Variants in DRC7 observed in about 807,000 individuals in gnomAD.
DRC7 encodes coiled-coil domain containing 135.
DRC7 carries 80 observed loss-of-function variants against 104.4 expected under a neutral mutation model. That is an observed-to-expected ratio of 0.77 (90% CI 0.64 to 0.92). The LOEUF is 0.92. Among genes scored for constraint, DRC7 ranks in the 40% least tolerant of loss-of-function variants. DRC7 has a pLI of 0.00. For missense variants in DRC7, 1,034 were observed against 1,141.1 expected (o/e 0.91, Z 1.35); for synonymous variants, 405 against 447.3 (o/e 0.91, Z 1.19).
At chr16:57,716,069 A>T (rs1280450551) in intron 8 of DRC7, among the ~76,000 whole-genome samples, 9 of 152,228 alleles carry the variant, frequency 5.9e-5, no homozygotes, top group African/African-American at 2.2e-4. Flanking sequence ...GCGCAAACGT[A>T]CCCTGGGCAC....
rs553999353 is a variant in DRC7, at chr16:57,715,100, T to G, written c.1078-3247T>G. 301 of 172,340 alleles carry G rather than the reference T, an allele frequency of 1.7e-3. 1 individual carries two copies. The highest frequency in any genetic ancestry group is 2.5e-3 in the Non-Finnish European group (207 of 81,782). The allele number at this position is 172,340 out of a possible 1,614,324, so 10.7% of individuals were successfully genotyped here. Reference sequence around the variant, plus strand: ...TCTTGCTCTGTCACCCAGGCTGGAGTGCAGTGGCGCGATCTTGGCACACTG... The same window carrying G: ...TCTTGCTCTGTCACCCAGGCTGGAGGGCAGTGGCGCGATCTTGGCACACTG... On this transcript the variant is annotated intron_variant, in intron 8 of 18. Coordinates refer to ENST00000360716, the MANE Select transcript of DRC7 (RefSeq NM_001289162.2).
At chr16:57,717,372 C>G (rs1292059803) in intron 8 of DRC7, among the ~76,000 whole-genome samples, 1 of 143,530 alleles carries the variant, frequency 7.0e-6, no homozygotes, top group Non-Finnish European at 1.5e-5. Context: ...GTAGTCAGAA[C>G]TACAGGTGCA....
rs546324626 is a variant in DRC7 at position 57,698,234 on chromosome 16, G to A, written c.203+82G>A. 70 of 1,588,724 alleles carry A rather than the reference G, an allele frequency of 4.4e-5. No individual in the cohort carries two copies. The South Asian group carries it at 7.2e-4, about 16-fold the overall frequency. On this transcript the variant is annotated intron_variant, in intron 3 of 18. Transcript: ENST00000360716. ...GACCCAGGCAGAGTGCTGGTGCCTGGTCTGGTAGGGTGACCAGGAGATAGA... is the reference window on the plus strand; with the variant it reads ...GACCCAGGCAGAGTGCTGGTGCCTGATCTGGTAGGGTGACCAGGAGATAGA...
At position 57,726,132 on chromosome 16, in the gene DRC7, T is replaced by C. The variant is rs1441497886; in HGVS notation, c.1823T>C (p.Val608Ala). 4 of 1,613,116 alleles carry C rather than the reference T, an allele frequency of 2.5e-6. No individual in the cohort carries two copies. Among genetic ancestry groups the C allele is most frequent in the East Asian group, 2.2e-5 (1 of 44,884 alleles). ...GCGGAGGAGGACGTGGCAGAGCGCG[T>C]GTTTCTGGTCGCGGAGGAGCGCATC... ...KPAEEDVAER[V>A]FLVAEERIQL... Residue 608 changes from valine (V) to alanine (A), a missense_variant, in exon 14 of 19, where the codon GTG becomes GCG. Val to Ala is a moderately conservative substitution (Grantham distance 64). Transcript: ENST00000360716.
intron 9 of DRC7, among the ~76,000 whole-genome samples, chr16:57,720,919 C>T (rs1219783811): frequency 6.6e-6 from 1 of 152,020 alleles, no homozygotes; most frequent in Non-Finnish European, 1.5e-5. Flanking sequence ...AATAATAGGC[C>T]GGGCATGGTG....
chr16:57,724,478 G>C, intron 12 of DRC7, 137 bp from the exon 13 acceptor site: 1 of 575,874 alleles, frequency 1.7e-6, no homozygotes, highest in Non-Finnish European at 3.1e-6. Context: ...CCAGCAATAG[G>C]GGACTGGTTC....
chr16:57,707,939 G>T, intron 8 of DRC7: 1 of 518,910 alleles, frequency 1.9e-6, no homozygotes, highest in Non-Finnish European at 3.5e-6. Context: ...CTATATTGAA[G>T]TGTAACCTAC....
In DRC7 at chr16:57,728,451, C is replaced by T. The variant is rs1218393423; in HGVS notation, c.2258C>T (p.Pro753Leu). 1.2e-6 allele frequency: 2 copies of T among 1,612,220 alleles called. No individual in the cohort carries two copies. Among genetic ancestry groups the T allele is most frequent in the South Asian group, 2.2e-5 (2 of 90,992 alleles). ...GAGACCCAGCTGGACTACCTGGCCC[C>T]ATTCCTGGCCCAGCTCCCGCCAGGA... ...QVETQLDYLAPFLAQLPPGEK... is the reference protein window; with the variant it reads ...QVETQLDYLALFLAQLPPGEK... Residue 753 changes from proline (P) to leucine (L), a missense_variant, in exon 17 of 19, where the codon CCA (proline) becomes CTA (leucine). Transcript: ENST00000360716.
intron 1 of DRC7, among the ~76,000 whole-genome samples, 177 bp downstream of exon 1, chr16:57,695,029 G>T (rs878902259): frequency 6.6e-6 from 1 of 151,994 alleles, no homozygotes; most frequent in Non-Finnish European, 1.5e-5. Context: ...GTGGAGAGGG[G>T]GTGCAGGGAA....
intron 2 of DRC7, among the ~76,000 whole-genome samples, chr16:57,697,562 C>T (rs1204085331): frequency 6.6e-6 from 1 of 151,864 alleles, no homozygotes; most frequent in Non-Finnish European, 1.5e-5. Flanking sequence ...GAGCAAGACC[C>T]TGTCTCAAAA....
In DRC7 at chr16:57,722,764, C is replaced by G; in HGVS notation, c.1331C>G (p.Ala444Gly). 1 of 1,613,894 alleles carries G rather than the reference C, an allele frequency of 6.2e-7. No individual in the cohort carries two copies. The highest frequency in any genetic ancestry group is 8.5e-7 in the Non-Finnish European group (1 of 1,179,998). The change falls in exon 11 of 19, where the codon GCA (alanine) becomes GGA (glycine). Residue 444 changes from alanine to glycine, a missense_variant. Transcript: ENST00000360716. ...NGKKVIQYKRAKLEKWAPYLN... is the reference protein window; with the variant it reads ...NGKKVIQYKRGKLEKWAPYLN... ...AAGAAGGTGATTCAGTACAAGAGGG[C>G]AAAGCTGGAGAAGTGGGCCCCGTAC...
At chr16:57,725,112 G>A (rs2048948312) in intron 13 of DRC7, among the ~76,000 whole-genome samples, 1 of 152,054 alleles carries the variant, frequency 6.6e-6, no homozygotes, top group African/African-American at 2.4e-5. Context: ...AATCATGGCA[G>A]AAGGGTCCTT....
In DRC7 at chr16:57,723,002, G is replaced by A. The variant is rs1275093797; in HGVS notation, c.1409G>A (p.Cys470Tyr). The change falls in exon 12 of 19, where the codon TGT becomes TAT. Residue 470 changes from cysteine (C) to tyrosine (Y), a missense_variant and splice_region_variant. Physicochemically the swap from Cys to Tyr is radical, Grantham distance 194. Transcript: ENST00000360716. ...SRLTTYEDLQ[C>Y]TNILEIKEWY... ...CGGCAAGTGTCCATCGGCCCCACAGGTACCAATATTTTGGAGATAAAGGAG... is the reference window on the plus strand; with the variant it reads ...CGGCAAGTGTCCATCGGCCCCACAGATACCAATATTTTGGAGATAAAGGAG... 1.9e-6 allele frequency: 3 copies of A among 1,613,700 alleles called. No individual in the cohort carries two copies. The highest frequency in any genetic ancestry group is 3.3e-5 in the Admixed American group (2 of 59,998).
At position 57,722,854 on chromosome 16, in the gene DRC7, G is replaced by T; in HGVS notation, c.1408+13G>T. 3.1e-6 allele frequency: 5 copies of T among 1,613,680 alleles called. No individual in the cohort carries two copies. Among genetic ancestry groups the T allele is most frequent in the Non-Finnish European group, 4.2e-6 (5 of 1,179,998 alleles). On this transcript the variant is annotated intron_variant, in intron 11 of 18. Coordinates refer to ENST00000360716, the MANE Select transcript of DRC7 (RefSeq NM_001289162.2). ...GAGGACTTGCAGTGTAAGGGGGATT[G>T]CTCTGGACATGGGTCCAGGCCAGCC... is the stretch of plus-strand genomic sequence containing the variant.
At chr16:57,714,170 A>G (rs1233080558) in intron 8 of DRC7, 1 of 164,772 alleles carries the variant, frequency 6.1e-6, no homozygotes, top group East Asian at 1.8e-4. Flanking sequence ...GGTACAATTC[A>G]CTGACAGAGA....
chr16:57,730,348 G>T (rs1250205050), intron 17 of DRC7, among the ~76,000 whole-genome samples: 1 of 150,264 alleles, frequency 6.7e-6, no homozygotes, highest in Non-Finnish European at 1.5e-5. Context: ...TAGATGGACG[G>T]TTGGATGGGC....
At chr16:57,727,513 G>A in intron 16 of DRC7, 104 bp downstream of exon 16, 2 of 792,784 alleles carry the variant, frequency 2.5e-6, no homozygotes, top group Non-Finnish European at 4.3e-6. Context: ...CTCTGTGGGG[G>A]ATACGGTTAT....
chr16:57,700,680 T>C (rs1253841151), intron 5 of DRC7, among the ~76,000 whole-genome samples: 1 of 120,390 alleles, frequency 8.3e-6, no homozygotes, highest in Non-Finnish European at 1.8e-5. Flanking sequence ...AAAAAAAGAA[T>C]GGACTTAGAG....
intron 3 of DRC7, 135 bp from the exon 4 acceptor site, chr16:57,698,715 A>G (rs2048624201): frequency 1.3e-6 from 1 of 791,792 alleles, no homozygotes; most frequent in African/African-American, 1.7e-5. Context: ...AAATGTGCAG[A>G]TGTTAATGAT....
Sources: gnomAD v4.1 joint callset for allele counts (sites outside exome capture counted in the v4.1 genomes callset) on GRCh38, gnomAD v4.1.1 for gene constraint, MANE v1.5 for transcripts, NCBI Gene and HGNC (gene_info 2026-07-23, HGNC 2026-07-21) for gene names.